Variants in FRMD4A observed in about 807,000 individuals in gnomAD.
FRMD4A encodes FERM domain containing 4A, also known as FERM domain-containing protein 4A.
In FRMD4A, 29 loss-of-function variants were observed where a neutral mutation model predicts 129.1. The observed-to-expected ratio is 0.22, with a 90% confidence interval of 0.17 to 0.31. The LOEUF is 0.31. Ranked by LOEUF, FRMD4A falls within the 10% of genes least tolerant of loss-of-function variation. FRMD4A has a pLI of 1.00. For missense variants in FRMD4A, 1,272 were observed against 1,375.8 expected, an observed-to-expected ratio of 0.92 and a Z score of 1.19; for synonymous variants, 634 against 571.6, an observed-to-expected ratio of 1.11 and a Z score of -1.56.
chr10:14,329,384 C>G (rs1041374777), intron 2 of FRMD4A, among the ~76,000 whole-genome samples: 1 of 152,152 alleles, frequency 6.6e-6, no homozygotes, highest in African/African-American at 2.4e-5. Flanking sequence ...AGACAGTGCC[C>G]ATGTCCTTGT....
chr10:14,304,159 T>C (rs1171172872), intron 2 of FRMD4A, among the ~76,000 whole-genome samples: 3 of 152,186 alleles, frequency 2.0e-5, no homozygotes, highest in Non-Finnish European at 4.4e-5. Context: ...AGAAGTGGAA[T>C]TGCTGGATCG....
intron 2 of FRMD4A, among the ~76,000 whole-genome samples, chr10:14,166,804 T>C (rs999129665): frequency 1.3e-5 from 2 of 152,250 alleles, no homozygotes; most frequent in African/African-American, 4.8e-5. Flanking sequence ...TGGAGATAGT[T>C]CTACCCTGGT....
intron 2 of FRMD4A, among the ~76,000 whole-genome samples, chr10:14,252,700 A>G (rs1277121523): frequency 2.0e-5 from 3 of 152,264 alleles, no homozygotes; most frequent in Non-Finnish European, 2.9e-5. Flanking sequence ...TATGCCACAT[A>G]TCTCTACCAT....
At chr10:13,979,596 A>G (rs906140651) in intron 2 of FRMD4A, among the ~76,000 whole-genome samples, 3 of 152,224 alleles carry the variant, frequency 2.0e-5, no homozygotes, top group African/African-American at 7.2e-5. Context: ...GTTTTAACCT[A>G]TAACTTAAAT....
At chr10:14,095,742 GC>G (rs1376120498) in intron 2 of FRMD4A, among the ~76,000 whole-genome samples, 3 of 152,176 alleles carry the variant, frequency 2.0e-5, no homozygotes, top group African/African-American at 7.2e-5. Flanking sequence ...ATATGATGTG[GC>G]ATATAAATAA....
At chr10:13,892,046 GACGCCCCCAGTCGCCGCCAGAGCT>G (rs1730014558) in intron 2 of FRMD4A, among the ~76,000 whole-genome samples, 1 of 145,814 alleles carries the variant, frequency 6.9e-6, no homozygotes, top group African/African-American at 2.5e-5. Flanking sequence ...GAAAGCCAGG[GACGCCCCCAGTCGCCGCCAGAGCT>G]GGCTCGGCTT....
At chr10:14,322,050 C>T (rs1048062984) in intron 2 of FRMD4A, among the ~76,000 whole-genome samples, 1 of 152,186 alleles carries the variant, frequency 6.6e-6, no homozygotes, top group Non-Finnish European at 1.5e-5. Context: ...TCCAGCCAGG[C>T]TTCCTATACA....
At chr10:13,747,985 T>C (rs1181315988) in intron 8 of FRMD4A, among the ~76,000 whole-genome samples, 166 bp from the exon 9 acceptor site, 1 of 152,158 alleles carries the variant, frequency 6.6e-6, no homozygotes, top group Admixed American at 6.5e-5. Flanking sequence ...GAAATACAGA[T>C]GTAAACGAAG....
At chr10:14,214,564 A>G in intron 2 of FRMD4A, among the ~76,000 whole-genome samples, 1 of 152,224 alleles carries the variant, frequency 6.6e-6, no homozygotes, top group East Asian at 1.9e-4. Context: ...ATTATCTTGT[A>G]CAGCATTTTT....
At chr10:14,016,586 C>T (rs953330687) in intron 2 of FRMD4A, among the ~76,000 whole-genome samples, 3 of 152,234 alleles carry the variant, frequency 2.0e-5, no homozygotes. Context: ...CAGACTTCTT[C>T]TTGAACCTTT....
intron 2 of FRMD4A, among the ~76,000 whole-genome samples, chr10:13,935,062 T>C (rs1426370750): frequency 2.0e-5 from 3 of 152,122 alleles, no homozygotes. Flanking sequence ...AGAATCCCGT[T>C]CATGAATTTT....
chr10:13,684,734 T>C (rs1270275584), intron 15 of FRMD4A: 1 of 985,014 alleles, frequency 1.0e-6, no homozygotes, highest in African/African-American at 1.7e-5. Context: ...GCCACTGATT[T>C]CAGAAGACAG....
intron 2 of FRMD4A, among the ~76,000 whole-genome samples, chr10:14,239,373 A>G (rs1361931294): frequency 1.3e-5 from 2 of 152,190 alleles, no homozygotes; most frequent in African/African-American, 2.4e-5. Context: ...CACTCCTGTA[A>G]TCCCAGCACT....
chr10:13,998,647 G>A (rs972257779), intron 2 of FRMD4A, among the ~76,000 whole-genome samples: 2 of 152,146 alleles, frequency 1.3e-5, no homozygotes, highest in African/African-American at 2.4e-5. Flanking sequence ...AGCTGCTCAG[G>A]GGGCCGTTCT....
At chr10:13,855,329 G>A (rs2094198513) in intron 3 of FRMD4A, among the ~76,000 whole-genome samples, 1 of 151,550 alleles carries the variant, frequency 6.6e-6, no homozygotes, top group Admixed American at 6.6e-5. Context: ...TGATGCCATA[G>A]AAGCTCCTCT....
At chr10:14,174,856 TA>T (rs201053616) in intron 2 of FRMD4A, among the ~76,000 whole-genome samples, 4 of 145,096 alleles carry the variant, frequency 2.8e-5, no homozygotes, top group South Asian at 4.4e-4. Context: ...AGTTGAGTAT[TA>T]AAAAAAAAAG....
intron 2 of FRMD4A, among the ~76,000 whole-genome samples, chr10:14,251,352 C>T (rs995856697): frequency 3.9e-5 from 6 of 152,138 alleles, no homozygotes; most frequent in African/African-American, 1.4e-4. Context: ...CATGAGGCAC[C>T]TCTATGGGAG....
In FRMD4A at chr10:13,918,870, GA is replaced by G. The variant is rs35627164; in HGVS notation, c.46-59959del. On this transcript the variant is annotated intron_variant, in intron 2 of 24. Coordinates refer to ENST00000357447, the MANE Select transcript of FRMD4A (RefSeq NM_018027.5). Reference sequence around the variant, plus strand: ...AACAAAGCAAAATGGTTTTTTGTAAGAAAAAAAAAAAAAGCTTTCAAATACA... The same window carrying G: ...AACAAAGCAAAATGGTTTTTTGTAAGAAAAAAAAAAAAGCTTTCAAATACA... Among the ~76,000 whole-genome samples the G allele has an allele frequency of 3.5e-3, 481 of 135,500 alleles. 1 individual carries two copies. The highest frequency in any genetic ancestry group is 5.1e-3 in the Admixed American group (70 of 13,668). 88.9% of individuals were successfully genotyped at this position (135,500 alleles called of 152,430 possible).
intron 2 of FRMD4A, among the ~76,000 whole-genome samples, chr10:14,283,264 C>A (rs1055642366): frequency 6.6e-6 from 1 of 152,174 alleles, no homozygotes; most frequent in East Asian, 1.9e-4. Flanking sequence ...AGTAAGATTT[C>A]CAGGGTTAAA....
Sources: gnomAD v4.1 joint callset for allele counts (sites outside exome capture counted in the v4.1 genomes callset) on GRCh38, gnomAD v4.1.1 for gene constraint, MANE v1.5 for transcripts, NCBI Gene and HGNC (gene_info 2026-07-23, HGNC 2026-07-21) for gene names.